Variants in SEMA6A observed in about 807,000 individuals in gnomAD.
SEMA6A encodes the protein semaphorin-6A.
Under a neutral mutation model 96.8 loss-of-function variants are expected in SEMA6A, and 25 were observed. That is an observed-to-expected ratio of 0.26 (90% confidence interval 0.19 to 0.36). SEMA6A has a LOEUF of 0.36. SEMA6A is among the 10% of genes least tolerant of loss of function. The pLI, the probability that SEMA6A is intolerant of heterozygous loss-of-function variation, is 1.00. For missense variants in SEMA6A, 1,363 were observed against 1,323.1 expected (o/e 1.03, Z -0.47); for synonymous variants, 612 against 518.0 (o/e 1.18, Z -2.46).
intron 1 of SEMA6A, among the ~76,000 whole-genome samples, chr5:116,548,139 G>A (rs1286764690): frequency 6.6e-6 from 1 of 152,188 alleles, no homozygotes; most frequent in Non-Finnish European, 1.5e-5. Flanking sequence ...CAATACAGCT[G>A]GACACTACAG....
intron 2 of SEMA6A, among the ~76,000 whole-genome samples, chr5:116,503,022 C>G (rs1469699309): frequency 6.6e-6 from 1 of 152,180 alleles, no homozygotes; most frequent in Admixed American, 6.5e-5. Flanking sequence ...AGTCAATGAG[C>G]ATATTTCTCT....
rs373787925 is a variant in SEMA6A, at chr5:116,446,968, C to G, written c.2738G>C (p.Gly913Ala). Residue 913 changes from glycine to alanine, a missense_variant, in exon 19 of 19, where the codon GGG (glycine) becomes GCG (alanine). Gly to Ala is a moderately conservative substitution (Grantham distance 60, BLOSUM62 0). Coordinates refer to ENST00000343348, the MANE Select transcript of SEMA6A (RefSeq NM_020796.5). ...RLEMHHSSSY[G>A]VDYKRSYPTN... is the part of the protein sequence containing the mutation. ...GGGGTAGCTCCTCTTATAGTCAACCCCGTAGGAAGAGGAGTGGTGCATTTC... is the reference window on the plus strand; with the variant it reads ...GGGGTAGCTCCTCTTATAGTCAACCGCGTAGGAAGAGGAGTGGTGCATTTC... 6.2e-7 allele frequency: 1 copy of G among 1,613,872 alleles called. No homozygotes were observed. Among genetic ancestry groups the G allele is most frequent in the African/African-American group, 1.3e-5 (1 of 75,010 alleles).
chr5:116,472,769 G>A (rs938447036), intron 17 of SEMA6A: 2 of 702,912 alleles, frequency 2.8e-6, no homozygotes, highest in South Asian at 2.5e-5. Flanking sequence ...TTAGTGAATT[G>A]GGGCCCTAAA....
At chr5:116,506,748 T>C (rs1019751378) in intron 1 of SEMA6A, among the ~76,000 whole-genome samples, 1 of 152,124 alleles carries the variant, frequency 6.6e-6, no homozygotes, top group African/African-American at 2.4e-5. Flanking sequence ...AATAGTATTA[T>C]AAAGAAGCAT....
chr5:116,495,840 T>G (rs769508398), intron 5 of SEMA6A: 31 of 351,680 alleles, frequency 8.8e-5, no homozygotes, highest in Non-Finnish European at 1.5e-4. Context: ...TGTACAAAGC[T>G]GCTGGTTGAA....
chr5:116,547,734 T>TA (rs34908253), intron 1 of SEMA6A, among the ~76,000 whole-genome samples: 11,271 of 65,314 alleles, frequency 0.17, 1,384 homozygotes, highest in East Asian at 0.23. Context: ...ATCTGATACT[T>TA]AAAAAAAAAA....
At chr5:116,474,811 C>G (rs906811426) in intron 16 of SEMA6A, among the ~76,000 whole-genome samples, 17 of 152,168 alleles carry the variant, frequency 1.1e-4, no homozygotes, top group Non-Finnish European at 1.5e-4. Flanking sequence ...ACAGCACAAA[C>G]TAAACATATT....
chr5:116,499,461 G>C (rs1012162928), intron 3 of SEMA6A, among the ~76,000 whole-genome samples: 1 of 152,160 alleles, frequency 6.6e-6, no homozygotes, highest in Non-Finnish European at 1.5e-5. Flanking sequence ...GCTTTAAATC[G>C]TGTTACTTGC....
At chr5:116,489,949 G>A (rs905605280) in intron 7 of SEMA6A, among the ~76,000 whole-genome samples, 9 of 152,152 alleles carry the variant, frequency 5.9e-5, no homozygotes, top group African/African-American at 1.9e-4. Flanking sequence ...CACTTTTAGT[G>A]GATTGCAGAT....
chr5:116,511,383 C>T (rs72812712), intron 1 of SEMA6A, among the ~76,000 whole-genome samples: 20,712 of 152,074 alleles, frequency 0.14, 1,729 homozygotes, highest in East Asian at 0.27. Flanking sequence ...GTGGAACCCA[C>T]GGATAGAGAG....
In SEMA6A at chr5:116,452,424, T is replaced by G. The variant is rs570871633; in HGVS notation, c.1895-4613A>C. 2.0e-5 allele frequency among the ~76,000 whole-genome samples: 3 copies of G among 150,774 alleles called. No individual in the cohort carries two copies. In the East Asian group the frequency reaches 5.8e-4, roughly 29 times the overall value. The stretch of plus-strand genomic sequence containing the variant: ...GAGAAAGAATAGAATCTCCACTGTT[T>G]TTTTTTTTTTTTCCTGAGGTGAGAG... On this transcript the variant is annotated intron_variant, in intron 18 of 18. Transcript: ENST00000343348.
rs200909612 is a variant in SEMA6A, at chr5:116,470,098, A to G, written c.1730-2351T>C. Reference sequence around the variant, plus strand: ...GGTGAATTAAACAGTCAGAGAAAGCAATACCTGACTCTCAAAAATTTTAGA... The same window carrying G: ...GGTGAATTAAACAGTCAGAGAAAGCGATACCTGACTCTCAAAAATTTTAGA... On this transcript the variant is annotated intron_variant, in intron 17 of 18. Coordinates refer to ENST00000343348, the MANE Select transcript of SEMA6A (RefSeq NM_020796.5). 4.9e-4 allele frequency among the ~76,000 whole-genome samples: 74 copies of G among 152,326 alleles called. 1 individual carries two copies. The East Asian group carries it at 0.013, about 28-fold the overall frequency.
intron 1 of SEMA6A, among the ~76,000 whole-genome samples, chr5:116,505,457 G>GCACACACACACA (rs386418405): frequency 7.0e-5 from 10 of 143,726 alleles, no homozygotes; most frequent in African/African-American, 2.7e-4. Flanking sequence ...ACACACGCAC[G>GCACACACACACA]CGCACACACA....
At chr5:116,509,754 T>C (rs7721184) in intron 1 of SEMA6A, among the ~76,000 whole-genome samples, 63,218 of 151,608 alleles carry the variant, frequency 0.42, 15,435 homozygotes, top group African/African-American at 0.67. Flanking sequence ...CAGGCTGAGG[T>C]GGGGTGAGGT....
intron 8 of SEMA6A, 70 bp from the exon 9 acceptor site, chr5:116,488,266 C>T (rs998625939): frequency 4.0e-6 from 4 of 1,005,870 alleles, no homozygotes; most frequent in Non-Finnish European, 4.6e-6. Flanking sequence ...TCAAGTGTAG[C>T]CAAAGACATG....
At chr5:116,467,952 GT>G in intron 17 of SEMA6A, 2 of 572,064 alleles carry the variant, frequency 3.5e-6, no homozygotes, top group Non-Finnish European at 6.2e-6. Context: ...TGAACTTGTA[GT>G]TAGAAAATGA....
chr5:116,478,353 T>C, intron 13 of SEMA6A, 189 bp downstream of exon 13: 1 of 768,556 alleles, frequency 1.3e-6, no homozygotes, highest in Admixed American at 2.9e-5. Flanking sequence ...TATATGTATC[T>C]ATATAAACAC....
intron 7 of SEMA6A, among the ~76,000 whole-genome samples, chr5:116,489,904 A>C (rs1757250717): frequency 6.6e-6 from 1 of 152,232 alleles, no homozygotes; most frequent in African/African-American, 2.4e-5. Flanking sequence ...GGAAACAAGA[A>C]TTATATTCAA....
chr5:116,493,169 G>A lies in SEMA6A; in HGVS notation c.445-1339C>T, dbSNP rs116298313. ...TGTAGAATCATGGGAAATGGAACATGTACAGGAAGAATAAGCCAGACCATT... is the reference window on the plus strand; with the variant it reads ...TGTAGAATCATGGGAAATGGAACATATACAGGAAGAATAAGCCAGACCATT... On this transcript the variant is annotated intron_variant, in intron 6 of 18. Transcript: ENST00000343348. Among the ~76,000 whole-genome samples the A allele has an allele frequency of 6.5e-3, 983 of 152,264 alleles. 18 individuals carry two copies. The highest frequency in any genetic ancestry group is 7.0e-3 in the Non-Finnish European group (473 of 68,020).
Sources: allele counts gnomAD v4.1 joint callset (sites outside exome capture counted in the v4.1 genomes callset), GRCh38; gene constraint gnomAD v4.1.1; transcripts MANE v1.5; gene names NCBI Gene and HGNC (gene_info 2026-07-23, HGNC 2026-07-21).